The following TMEM236 variants were observed in gnomAD, a reference collection of about 807,000 sequenced individuals.
TMEM236 encodes transmembrane protein 236, also known as family with sequence similarity 23, member A.
Under a neutral mutation model 14.7 loss-of-function variants are expected in TMEM236, and 11 were observed. The observed-to-expected ratio is 0.75, with a 90% confidence interval of 0.47 to 1.24. The LOEUF (loss-of-function observed/expected upper bound fraction) is 1.24. Ranked by LOEUF, TMEM236 falls within the 50% of genes most tolerant of loss-of-function variation. TMEM236 has a pLI of 0.00. For synonymous variants in TMEM236, 182 were observed against 168.6 expected, an observed-to-expected ratio of 1.08 and a Z score of -0.62; for missense variants, 464 against 427.3, an observed-to-expected ratio of 1.09 and a Z score of -0.76.
At chr10:17,793,703 G>T (rs1252707924) in intron 3 of TMEM236, among the ~76,000 whole-genome samples, 1 of 152,010 alleles carries the variant, frequency 6.6e-6, no homozygotes, top group Non-Finnish European at 1.5e-5. Context: ...GGCTGGTCTC[G>T]AACTTCTGAA....
intron 3 of TMEM236, among the ~76,000 whole-genome samples, chr10:17,789,398 A>G (rs1837886682): frequency 1.3e-5 from 2 of 152,182 alleles, no homozygotes; most frequent in Non-Finnish European, 2.9e-5. Flanking sequence ...ATTTAAAACA[A>G]TTAATTATTT....
chr10:17,796,294 C>A lies in TMEM236; in HGVS notation c.846C>A (p.Phe282Leu), dbSNP rs1241624878. 2 of 1,613,850 alleles carry A rather than the reference C, an allele frequency of 1.2e-6. No individual in the cohort carries two copies. Among genetic ancestry groups the A allele is most frequent in the Admixed American group, 1.7e-5 (1 of 59,988 alleles). ...TTATTTCTCTCCTTCGAATTACATT[C>A]ACTCCCCAAAACCCTCTTCTCAATT... ...FSFISLLRIT[F>L]TPQNPLLNSL... The change falls in exon 4 of 4, where the codon TTC becomes TTA. Residue 282 changes from phenylalanine to leucine, a missense_variant. Coordinates refer to ENST00000377495, the MANE Select transcript of TMEM236 (RefSeq NM_001098844.3).
At chr10:17,768,445 A>G (rs1837511401) in intron 1 of TMEM236, among the ~76,000 whole-genome samples, 1 of 152,180 alleles carries the variant, frequency 6.6e-6, no homozygotes, top group Admixed American at 6.5e-5. Flanking sequence ...TAATTTCAAT[A>G]TAATTGATTT....
intron 1 of TMEM236, among the ~76,000 whole-genome samples, chr10:17,771,102 C>T (rs1001891574): frequency 1.3e-5 from 2 of 152,216 alleles, no homozygotes; most frequent in Non-Finnish European, 2.9e-5. Context: ...GGAAATCTCT[C>T]ACCCCTTTGT....
chr10:17,797,746 T>G lies in TMEM236; in HGVS notation c.*1242T>G, dbSNP rs1209202101. 2 of 152,192 alleles carry G rather than the reference T, an allele frequency of 1.3e-5. No individual in the cohort carries two copies. The highest frequency in any genetic ancestry group is 2.9e-5 in the Non-Finnish European group (2 of 68,044). 9.4% of individuals were successfully genotyped at this position (152,192 alleles called of 1,614,324 possible). On this transcript the variant is annotated 3_prime_UTR_variant, in exon 4 of 4. Transcript: ENST00000377495. ...CACTTTAACAGATATTTGGCTCAGT[T>G]TAAGGCTTAGCTGTATTGCCAGTAC...
intron 3 of TMEM236, 50 bp from the exon 4 acceptor site, chr10:17,795,871 A>G (rs2131770422): frequency 6.4e-7 from 1 of 1,567,298 alleles, no homozygotes; most frequent in Middle Eastern, 1.7e-4. Flanking sequence ...ATTTGAGCTA[A>G]AATGGATACA....
chr10:17,756,705 C>G (rs1837289661), intron 1 of TMEM236, among the ~76,000 whole-genome samples: 1 of 152,194 alleles, frequency 6.6e-6, no homozygotes, highest in African/African-American at 2.4e-5. Flanking sequence ...GTGGAAGAGG[C>G]AGACTTTGGA....
chr10:17,789,880 C>T (rs891634967), intron 3 of TMEM236, among the ~76,000 whole-genome samples: 17 of 151,504 alleles, frequency 1.1e-4, no homozygotes, highest in African/African-American at 3.2e-4. Context: ...AAAAATTAGC[C>T]GGGCGTGGGG....
At chr10:17,762,612 T>TAC (rs1433133705) in intron 1 of TMEM236, among the ~76,000 whole-genome samples, 66 of 75,902 alleles carry the variant, frequency 8.7e-4, no homozygotes, top group African/African-American at 2.0e-3. Context: ...TATATATATA[T>TAC]ATATATACAC....
In TMEM236 at chr10:17,788,928, T is replaced by G. The variant is rs924644267; in HGVS notation, c.473-6993T>G. On this transcript the variant is annotated intron_variant, in intron 3 of 3. Transcript: ENST00000377495. Reference sequence around the variant, plus strand: ...TTTGTTGAAAACTTGTACACAGTTTTGAGCACAGGCAGTAGTAGTATACTG... The same window carrying G: ...TTTGTTGAAAACTTGTACACAGTTTGGAGCACAGGCAGTAGTAGTATACTG... Among the ~76,000 whole-genome samples, 4 of 152,332 alleles carry G rather than the reference T, an allele frequency of 2.6e-5. No individual in the cohort carries two copies. The South Asian group carries it at 8.3e-4, about 32-fold the overall frequency.
At chr10:17,785,253 C>T (rs912785252) in intron 3 of TMEM236, among the ~76,000 whole-genome samples, 2 of 152,144 alleles carry the variant, frequency 1.3e-5, no homozygotes, top group South Asian at 2.1e-4. Context: ...AGATCATCAA[C>T]GTGTCTTCAC....
At chr10:17,764,837 C>CTT (rs1238545582) in intron 1 of TMEM236, among the ~76,000 whole-genome samples, 4 of 127,390 alleles carry the variant, frequency 3.1e-5, no homozygotes, top group African/African-American at 5.8e-5. Flanking sequence ...CAGATTTTCC[C>CTT]TTTTTTTTTT....
intron 3 of TMEM236, among the ~76,000 whole-genome samples, chr10:17,785,945 G>A (rs908997113): frequency 1.3e-5 from 2 of 152,112 alleles, no homozygotes; most frequent in Non-Finnish European, 2.9e-5. Flanking sequence ...CCATGAGATT[G>A]GGCCAAAAGC....
chr10:17,784,592 A>C (rs2131760438), intron 3 of TMEM236, among the ~76,000 whole-genome samples: 1 of 152,346 alleles, frequency 6.6e-6, no homozygotes, highest in East Asian at 1.9e-4. Flanking sequence ...GATGCCTAGG[A>C]TGCTGCCTGG....
intron 1 of TMEM236, among the ~76,000 whole-genome samples, chr10:17,752,932 T>G (rs923489254): frequency 5.3e-5 from 8 of 151,788 alleles, no homozygotes; most frequent in Non-Finnish European, 1.0e-4. Flanking sequence ...TTGTTTGTTT[T>G]TTTGTTTGTT....
intron 1 of TMEM236, among the ~76,000 whole-genome samples, chr10:17,765,858 C>T (rs1197418728): frequency 6.6e-6 from 1 of 152,170 alleles, no homozygotes; most frequent in Non-Finnish European, 1.5e-5. Context: ...GGCTTTGGAA[C>T]CACTGTCAAA....
At chr10:17,777,592 C>T (rs1356706370) in intron 3 of TMEM236, among the ~76,000 whole-genome samples, 10 of 151,982 alleles carry the variant, frequency 6.6e-5, no homozygotes. Context: ...CTGCACCCAG[C>T]GTTAAATTGG....
chr10:17,752,718 C>T (rs1837227110), intron 1 of TMEM236, among the ~76,000 whole-genome samples, 166 bp downstream of exon 1: 1 of 152,128 alleles, frequency 6.6e-6, no homozygotes, highest in Admixed American at 6.6e-5. Context: ...AGTCGCACAC[C>T]ACCACACCTG....
At chr10:17,790,313 G>T (rs1845294198) in intron 3 of TMEM236, among the ~76,000 whole-genome samples, 1 of 152,226 alleles carries the variant, frequency 6.6e-6, no homozygotes, top group Non-Finnish European at 1.5e-5. Flanking sequence ...AATGGAAGCT[G>T]CTAGAAGGGT....
Sources: allele counts gnomAD v4.1 joint callset (sites outside exome capture counted in the v4.1 genomes callset), GRCh38; gene constraint gnomAD v4.1.1; transcripts MANE v1.5; gene names NCBI Gene and HGNC (gene_info 2026-07-23, HGNC 2026-07-21).